The following HSF2BP variants were observed in gnomAD, a reference collection of about 807,000 sequenced individuals.
HSF2BP encodes the protein heat shock factor 2-binding protein.
A neutral mutation model predicts 35.0 loss-of-function variants in HSF2BP; 35 were observed. The observed-to-expected ratio is 1.00, with a 90% CI of 0.76 to 1.32. The LOEUF (loss-of-function observed/expected upper bound fraction) is 1.32. HSF2BP is among the 40% of genes most tolerant of loss of function. The pLI is 0.00. For synonymous variants in HSF2BP, 114 were observed against 117.4 expected (o/e 0.97, Z 0.18); for missense variants, 326 against 321.7 (o/e 1.01, Z -0.10).
At chr21:43,594,144 C>T (rs2081958208) in intron 7 of HSF2BP, among the ~76,000 whole-genome samples, 1 of 152,122 alleles carries the variant, frequency 6.6e-6, no homozygotes, top group Non-Finnish European at 1.5e-5. Context: ...ATTGTGAACC[C>T]AGCAAAAATA....
At chr21:43,601,413 G>A (rs572754063) in intron 7 of HSF2BP, among the ~76,000 whole-genome samples, 1 of 152,248 alleles carries the variant, frequency 6.6e-6, no homozygotes, top group South Asian at 2.1e-4. Context: ...TGTTTATGAA[G>A]CTGCTGCGTG....
chr21:43,618,037 T>A (rs951076172), intron 6 of HSF2BP, among the ~76,000 whole-genome samples: 1 of 151,998 alleles, frequency 6.6e-6, no homozygotes, highest in African/African-American at 2.4e-5. Context: ...GGTAGGAGGA[T>A]CACTTGAGTC....
chr21:43,644,147 C>A lies in HSF2BP; in HGVS notation c.291+142G>T, dbSNP rs983808684. Reference sequence around the variant, plus strand: ...TCCATCTGTTCAACTACATTCCAACCCACTCAGAATACATACATTTACAAA... The same window carrying A: ...TCCATCTGTTCAACTACATTCCAACACACTCAGAATACATACATTTACAAA... On this transcript the variant is annotated intron_variant, in intron 4 of 8. Coordinates refer to ENST00000291560, the MANE Select transcript of HSF2BP (RefSeq NM_007031.2). The A allele has an allele frequency of 1.9e-5, 11 of 592,326 alleles. No homozygotes were observed. In the East Asian group the frequency reaches 3.1e-4, roughly 16 times the overall value. The allele number at this position is 592,326 out of a possible 1,614,324, so 36.7% of individuals were successfully genotyped here. A position where few individuals can be genotyped will look rare whatever the true frequency, so the allele number is the denominator to read the frequency against.
At chr21:43,586,822 T>C (rs570090502) in intron 8 of HSF2BP, among the ~76,000 whole-genome samples, 3 of 152,174 alleles carry the variant, frequency 2.0e-5, no homozygotes, top group Non-Finnish European at 4.4e-5. Flanking sequence ...TTTTTTTTAA[T>C]GAAGTTTCAC....
intron 7 of HSF2BP, among the ~76,000 whole-genome samples, chr21:43,605,847 A>T (rs530618238): frequency 2.1e-4 from 31 of 151,210 alleles, no homozygotes; most frequent in African/African-American, 7.3e-4. Context: ...AAATACCCAC[A>T]TACACATACA....
intron 7 of HSF2BP, among the ~76,000 whole-genome samples, chr21:43,605,295 CACACA>C (rs2082118915): frequency 6.7e-6 from 1 of 150,160 alleles, no homozygotes; most frequent in South Asian, 2.1e-4. Flanking sequence ...TCACACCCCA[CACACA>C]ACACACCAGC....
At chr21:43,496,153 TAC>T in the HSF2BP span, among the ~76,000 whole-genome samples, 5 of 130,180 alleles carry the variant, frequency 3.8e-5, 1 homozygote, top group African/African-American at 8.5e-5. Flanking sequence ...AACTAAAGAT[TAC>T]ACACACACAC....
At chr21:43,634,415 G>GA (rs371363288) in intron 4 of HSF2BP, among the ~76,000 whole-genome samples, 87 of 152,210 alleles carry the variant, frequency 5.7e-4, no homozygotes, top group African/African-American at 2.0e-3. Context: ...GACAAAAACT[G>GA]AAAAATATAA....
the HSF2BP span, among the ~76,000 whole-genome samples, chr21:43,499,857 T>C: frequency 7.0e-5 from 8 of 114,480 alleles, no homozygotes; most frequent in East Asian, 1.6e-3. Flanking sequence ...ACACCATACA[T>C]GCATACACGC....
intron 7 of HSF2BP, among the ~76,000 whole-genome samples, chr21:43,609,596 G>T (rs1462286338): frequency 6.6e-6 from 1 of 152,090 alleles, no homozygotes; most frequent in Non-Finnish European, 1.5e-5. Flanking sequence ...GGCAGGGGGA[G>T]GCCAGGAAGA....
At chr21:43,643,429 G>A (rs1324820975) in intron 4 of HSF2BP, among the ~76,000 whole-genome samples, 6 of 152,166 alleles carry the variant, frequency 3.9e-5, no homozygotes, top group Non-Finnish European at 7.3e-5. Context: ...TCTGGAGGGT[G>A]AGTGAGTTCT....
In HSF2BP at chr21:43,658,283, T is replaced by C; in HGVS notation, c.-187A>G. 2 of 622,568 alleles carry C rather than the reference T, an allele frequency of 3.2e-6. No individual in the cohort carries two copies. The highest frequency in any genetic ancestry group is 5.4e-6 in the Non-Finnish European group (2 of 372,592). 38.6% of individuals were successfully genotyped at this position (622,568 alleles called of 1,614,324 possible). A position where few individuals can be genotyped will look rare whatever the true frequency, so the allele number is the denominator to read the frequency against. On this transcript the variant is annotated 5_prime_UTR_variant, in exon 2 of 9. Coordinates refer to ENST00000291560, the MANE Select transcript of HSF2BP (RefSeq NM_007031.2). ...GAGTGGCCTTGGCGAGGTCCCTCTT[T>C]GGCTCTTCTGGCTTAGCCGGGGTTT...
At chr21:43,585,055 C>T (rs2081831011) in intron 8 of HSF2BP, among the ~76,000 whole-genome samples, 1 of 151,026 alleles carries the variant, frequency 6.6e-6, no homozygotes, top group Non-Finnish European at 1.5e-5. Context: ...ACCTGTAATC[C>T]CAGCACTTTC....
chr21:43,636,901 A>C (rs1601707627), intron 4 of HSF2BP, among the ~76,000 whole-genome samples: 2 of 151,266 alleles, frequency 1.3e-5, no homozygotes, highest in African/African-American at 2.4e-5. Context: ...AAACAAAAAA[A>C]AAAAAAAAAA....
chr21:43,610,825 G>A (rs189367905), intron 7 of HSF2BP, among the ~76,000 whole-genome samples: 28 of 152,248 alleles, frequency 1.8e-4, no homozygotes, highest in African/African-American at 6.3e-4. Context: ...GAAAACTCCT[G>A]GAGAACTCTC....
chr21:43,573,944 T>G (rs553470861), intron 8 of HSF2BP, among the ~76,000 whole-genome samples: 1 of 152,176 alleles, frequency 6.6e-6, no homozygotes, highest in African/African-American at 2.4e-5. Flanking sequence ...GAAGTCATCT[T>G]GTCTGCATGG....
At chr21:43,645,043 A>G (rs1025722717) in intron 3 of HSF2BP, among the ~76,000 whole-genome samples, 1 of 152,262 alleles carries the variant, frequency 6.6e-6, no homozygotes, top group African/African-American at 2.4e-5. Flanking sequence ...CTTTAAATTT[A>G]AAATTTTATG....
At chr21:43,622,107 A>G (rs1446549028) in intron 6 of HSF2BP, among the ~76,000 whole-genome samples, 2 of 152,212 alleles carry the variant, frequency 1.3e-5, no homozygotes, top group African/African-American at 2.4e-5. Flanking sequence ...TCTCTTTAAA[A>G]TAACCTGTTA....
intron 3 of HSF2BP, among the ~76,000 whole-genome samples, chr21:43,654,763 C>A (rs2082842724): frequency 6.6e-6 from 1 of 152,234 alleles, no homozygotes; most frequent in Admixed American, 6.5e-5. Context: ...GTAAATCCAG[C>A]AGCCACTGGC....
Sources: gnomAD v4.1 joint callset for allele counts (sites outside exome capture counted in the v4.1 genomes callset) on GRCh38, gnomAD v4.1.1 for gene constraint, MANE v1.5 for transcripts, NCBI Gene and HGNC (gene_info 2026-07-23, HGNC 2026-07-21) for gene names.